The following NUMA1 variants were observed in gnomAD, a reference collection of about 807,000 sequenced individuals.
NUMA1 encodes nuclear mitotic apparatus protein 1, also known as SP-H antigen.
Under a neutral mutation model 237.1 loss-of-function variants are expected in NUMA1, and 62 were observed. That is an observed-to-expected ratio of 0.26 (90% CI 0.21 to 0.32). The LOEUF (loss-of-function observed/expected upper bound fraction) is 0.32. NUMA1 is among the 10% of genes least tolerant of loss of function. NUMA1 has a pLI of 1.00. For synonymous variants in NUMA1, 1,028 were observed against 1,066.1 expected (o/e 0.96, Z 0.70); for missense variants, 2,533 against 2,666.5 (o/e 0.95, Z 1.10).
Position 72,014,887 on chromosome 11 carries a change from G to A in NUMA1, c.2616C>T (p.Asn872=), listed in dbSNP as rs769055169. The A allele has an allele frequency of 1.7e-5, 27 of 1,614,124 alleles. No individual in the cohort carries two copies. The highest frequency in any genetic ancestry group is 1.1e-4 in the East Asian group (5 of 44,902). The change falls in exon 15 of 27, where the codon AAC becomes AAT. Residue 872 remains asparagine (N), a synonymous_variant. Coordinates refer to ENST00000393695, the MANE Select transcript of NUMA1 (RefSeq NM_006185.4). The surrounding 1 kb of genome is among the most constrained non-coding windows in gnomAD (Gnocchi z 4.6). ...HSELQISRQQ[N]ELAELHANLA... is the part of the protein sequence containing the mutation. ...GGTTGGCATGGAGCTCAGCTAGTTCGTTCTGCTGCCGGCTTATCTGGAGCT... is the reference window on the plus strand; with the variant it reads ...GGTTGGCATGGAGCTCAGCTAGTTCATTCTGCTGCCGGCTTATCTGGAGCT...
intron 8 of NUMA1, among the ~76,000 whole-genome samples, 196 bp from the exon 9 acceptor site, chr11:72,019,813 A>G (rs1029942302): frequency 6.6e-6 from 1 of 152,210 alleles, no homozygotes; most frequent in African/African-American, 2.4e-5. Flanking sequence ...GTCTCTAACC[A>G]AAATGAAGTG....
chr11:72,004,835 T>TGAGC lies in NUMA1; in HGVS notation c.5830-20_5830-19insGCTC. 6.4e-7 allele frequency: 1 copy of TGAGC among 1,550,712 alleles called. No homozygotes were observed. Among genetic ancestry groups the TGAGC allele is most frequent in the Non-Finnish European group, 8.7e-7 (1 of 1,150,388 alleles). On this transcript the variant is annotated intron_variant, in intron 23 of 26. Transcript: ENST00000393695. ...GGGAAGGCTGCATGGGTGGAAGAGG[T>TGAGC]GGTCAGTGGACCATAGCTGTATGGA...
rs535035358 is a variant in NUMA1 at position 72,020,138 on chromosome 11, A to C, written c.461-521T>G. ...TCCTACCTCTAATCACCCATTCTTAAGTCTCCTCATCTGCTCCTCCCTCCT... is the reference window on the plus strand; with the variant it reads ...TCCTACCTCTAATCACCCATTCTTACGTCTCCTCATCTGCTCCTCCCTCCT... On this transcript the variant is annotated intron_variant, in intron 8 of 26. Transcript: ENST00000393695. Among the ~76,000 whole-genome samples, 4 of 152,174 alleles carry C rather than the reference A, an allele frequency of 2.6e-5. No homozygotes were observed. The East Asian group carries it at 7.7e-4, about 29-fold the overall frequency.
chr11:72,050,483 T>C (rs1565275967), intron 2 of NUMA1, among the ~76,000 whole-genome samples: 2 of 152,218 alleles, frequency 1.3e-5, no homozygotes, highest in Admixed American at 1.3e-4. Flanking sequence ...GTGTCTAACA[T>C]GGGCATGATA....
intron 2 of NUMA1, chr11:72,065,228 A>C (rs1943146470): frequency 6.6e-6 from 1 of 152,206 alleles, no homozygotes; most frequent in Admixed American, 6.5e-5. Context: ...AAAGATACAC[A>C]GAAAACTATT....
intron 4 of NUMA1, chr11:72,024,961 G>C (rs532973685): frequency 6.5e-6 from 1 of 153,688 alleles, no homozygotes; most frequent in African/African-American, 2.4e-5. Context: ...GCAGTGGCAC[G>C]ATCTCGGCTC....
intron 2 of NUMA1, chr11:72,049,565 A>ATATATAT (rs1555034499): frequency 5.5e-5 from 1 of 18,240 alleles, no homozygotes; most frequent in East Asian, 7.1e-4. Flanking sequence ...ATAATAATAT[A>ATATATAT]TATATATATA....
At chr11:72,040,584 T>C in intron 2 of NUMA1, 1 of 152,836 alleles carries the variant, frequency 6.5e-6, no homozygotes, top group South Asian at 2.1e-4. Context: ...CTTTTTTCAC[T>C]GCCCACCACC....
At chr11:72,058,174 G>A (rs939645598) in intron 2 of NUMA1, among the ~76,000 whole-genome samples, 8 of 152,164 alleles carry the variant, frequency 5.3e-5, no homozygotes, top group Non-Finnish European at 8.8e-5. Flanking sequence ...AACCAGTGAA[G>A]CAATACAAAG....
In NUMA1 at chr11:72,004,245, C is replaced by A; in HGVS notation, c.6103G>T (p.Ala2035Ser). The change falls in exon 25 of 27, where the codon GCT (alanine) becomes TCT (serine). Residue 2035 changes from alanine (A) to serine (S), a missense_variant. This residue lies in a region of NUMA1 where 795 missense variants were observed against 750.8 expected (regional missense o/e 1.06). Coordinates refer to ENST00000393695, the MANE Select transcript of NUMA1 (RefSeq NM_006185.4). ...QSTTEAQKKAAPASTKQADRR... is the reference protein window; with the variant it reads ...QSTTEAQKKASPASTKQADRR... ...CTCACCTGTTTAGTAGAAGCTGGAG[C>A]TGCTTTCTTCTGGGCCTCAGTAGTG... 1 of 1,611,682 alleles carries A rather than the reference C, an allele frequency of 6.2e-7. No individual in the cohort carries two copies. Among genetic ancestry groups the A allele is most frequent in the Non-Finnish European group, 8.5e-7 (1 of 1,179,408 alleles).
In NUMA1 at chr11:72,004,094, G is replaced by A. The variant is rs769411544; in HGVS notation, c.6129C>T (p.Asp2043=). 1 of 1,613,186 alleles carries A rather than the reference G, an allele frequency of 6.2e-7. No homozygotes were observed. The highest frequency in any genetic ancestry group is 2.2e-5 in the East Asian group (1 of 44,876). ...KAAPASTKQA[D]RRQSMAFSIL... ...TGCTGAAGGCCATCGACTGGCGCCGGTCAGCCTGCAAGGAAGGGCTGTCAG... is the reference window on the plus strand; with the variant it reads ...TGCTGAAGGCCATCGACTGGCGCCGATCAGCCTGCAAGGAAGGGCTGTCAG... Residue 2043 remains aspartate, a synonymous_variant, in exon 26 of 27, where the codon GAC becomes GAT. Transcript: ENST00000393695.
chr11:72,039,046 C>T (rs1406554085), intron 2 of NUMA1, among the ~76,000 whole-genome samples: 2 of 152,204 alleles, frequency 1.3e-5, no homozygotes, highest in African/African-American at 2.4e-5. Flanking sequence ...AGCTCCCCCA[C>T]ATCAGGACAA....
intron 2 of NUMA1, among the ~76,000 whole-genome samples, chr11:72,058,098 A>G (rs1475357407): frequency 6.6e-6 from 1 of 152,182 alleles, no homozygotes; most frequent in African/African-American, 2.4e-5. Flanking sequence ...ATAATTAATT[A>G]AGATGAAACG....
rs61749191 is a variant in NUMA1 at position 72,004,810 on chromosome 11, G to A, written c.5836C>T (p.Leu1946=). 5 of 1,572,044 alleles carry A rather than the reference G, an allele frequency of 3.2e-6. No individual in the cohort carries two copies. The highest frequency in any genetic ancestry group is 2.2e-5 in the East Asian group (1 of 44,482). The change falls in exon 24 of 27, where the codon CTG becomes TTG. Residue 1946 remains leucine (L), a synonymous_variant. Transcript: ENST00000393695. ...TCATCTGTGATGGTGCCCAGGCTCA[G>A]GGAAGGCTGCATGGGTGGAAGAGGT... ...TCYPLESRPS[L]SLGTITDEEM...
At chr11:72,062,982 T>C (rs1943023165) in intron 2 of NUMA1, among the ~76,000 whole-genome samples, 1 of 151,864 alleles carries the variant, frequency 6.6e-6, no homozygotes, top group Admixed American at 6.6e-5. Flanking sequence ...GGCAGGAGAA[T>C]CACTTGAACC....
chr11:72,016,838 C>CA, intron 13 of NUMA1: 1 of 259,470 alleles, frequency 3.9e-6, no homozygotes, highest in Non-Finnish European at 7.4e-6. Flanking sequence ...CTAGATTATC[C>CA]AAATCACCAC....
intron 1 of NUMA1, among the ~76,000 whole-genome samples, chr11:72,079,997 T>A (rs1448603696): frequency 1.3e-5 from 2 of 152,058 alleles, no homozygotes; most frequent in Admixed American, 1.3e-4. Context: ...ATTATAAACC[T>A]CAGGCTCCCC....
At chr11:72,030,105 C>T (rs905718115) in intron 3 of NUMA1, among the ~76,000 whole-genome samples, 7 of 151,880 alleles carry the variant, frequency 4.6e-5, no homozygotes, top group African/African-American at 1.5e-4. Flanking sequence ...GAGGCTGAGG[C>T]GGGAAGATCA....
At chr11:72,019,054 G>A in intron 9 of NUMA1, 74 bp from the exon 10 acceptor site, 1 of 1,555,824 alleles carries the variant, frequency 6.4e-7, no homozygotes, top group East Asian at 2.2e-5. Flanking sequence ...GCAGCAGTAA[G>A]GGAGCGGGGT....
Sources: gnomAD v4.1 joint callset for allele counts (sites outside exome capture counted in the v4.1 genomes callset) on GRCh38, gnomAD v4.1.1 for gene constraint, gnomAD v4.1.1 regional missense constraint, Gnocchi (gnomAD v3.1) non-coding constraint, MANE v1.5 for transcripts, NCBI Gene and HGNC (gene_info 2026-07-23, HGNC 2026-07-21) for gene names.